The following RBFOX1 variants were observed in gnomAD, a reference collection of about 807,000 sequenced individuals.
RBFOX1 encodes RNA binding fox-1 homolog 1.
A neutral mutation model predicts 57.7 loss-of-function variants in RBFOX1; 8 were observed. The observed-to-expected ratio is 0.14, with a 90% CI of 0.08 to 0.25. RBFOX1 has a LOEUF of 0.25. Ranked by LOEUF, RBFOX1 falls within the 10% of genes least tolerant of loss-of-function variation. RBFOX1 has a pLI of 1.00. For missense variants in RBFOX1, 611 were observed against 548.5 expected (o/e 1.11, Z -1.14); for synonymous variants, 326 against 222.4 (o/e 1.47, Z -4.15).
At chr16:7,537,745 G>A (rs899764944) in intron 5 of RBFOX1, among the ~76,000 whole-genome samples, 11 of 152,134 alleles carry the variant, frequency 7.2e-5, no homozygotes, top group Non-Finnish European at 1.3e-4. Context: ...TGGAATTAAC[G>A]CAGGAGCCAG....
At chr16:7,521,121 A>C (rs2152253313) in intron 5 of RBFOX1, among the ~76,000 whole-genome samples, 1 of 152,280 alleles carries the variant, frequency 6.6e-6, no homozygotes, top group South Asian at 2.1e-4. Flanking sequence ...GCATTTCTTC[A>C]AGGAGATGAT....
chr16:6,236,054 C>A (rs2097503233), intron 1 of RBFOX1, among the ~76,000 whole-genome samples: 1 of 152,110 alleles, frequency 6.6e-6, no homozygotes, highest in Non-Finnish European at 1.5e-5. Context: ...CTGACAAAAT[C>A]TATAGGAAAT....
chr16:6,350,064 A>G (rs945062162), intron 2 of RBFOX1, among the ~76,000 whole-genome samples: 3 of 152,170 alleles, frequency 2.0e-5, no homozygotes, highest in Admixed American at 2.0e-4. Flanking sequence ...TAAAATTTCA[A>G]AAAGTCCTAG....
intron 4 of RBFOX1, among the ~76,000 whole-genome samples, chr16:7,512,221 T>G (rs2075285827): frequency 6.6e-6 from 1 of 152,200 alleles, no homozygotes; most frequent in African/African-American, 2.4e-5. Context: ...CTACATGAAG[T>G]TGGCTTCAGC....
chr16:7,408,079 G>C (rs1201868479), intron 4 of RBFOX1, among the ~76,000 whole-genome samples: 2 of 152,186 alleles, frequency 1.3e-5, no homozygotes, highest in African/African-American at 2.4e-5. Context: ...AGCTCCCTTA[G>C]GGAGGACAGA....
intron 4 of RBFOX1, among the ~76,000 whole-genome samples, chr16:7,395,599 C>T (rs1313492399): frequency 6.6e-6 from 1 of 152,122 alleles, no homozygotes; most frequent in Non-Finnish European, 1.5e-5. Flanking sequence ...AGCTTATTAC[C>T]TTTGTTGTGG....
At chr16:6,433,849 T>TTC (rs1555470920) in intron 2 of RBFOX1, among the ~76,000 whole-genome samples, 3 of 75,234 alleles carry the variant, frequency 4.0e-5, no homozygotes, top group South Asian at 3.6e-4. Context: ...CATTTTTCTT[T>TTC]TTTTTTTTTT....
At chr16:7,288,195 G>C (rs947843524) in intron 4 of RBFOX1, among the ~76,000 whole-genome samples, 3 of 152,122 alleles carry the variant, frequency 2.0e-5, no homozygotes, top group African/African-American at 7.2e-5. Context: ...CTCAACCATA[G>C]TTTGTGATCC....
chr16:6,973,860 C>T (rs779778004), intron 3 of RBFOX1, among the ~76,000 whole-genome samples: 1 of 152,058 alleles, frequency 6.6e-6, no homozygotes, highest in Admixed American at 6.6e-5. Context: ...TGGTGGTTTA[C>T]TGTGCCTGTC....
chr16:6,846,618 A>G lies in RBFOX1; in HGVS notation c.-16+191968A>G, dbSNP rs74952415. On this transcript the variant is annotated intron_variant, in intron 3 of 15. Coordinates refer to ENST00000550418, the MANE Select transcript of RBFOX1 (RefSeq NM_018723.4). ...GAAACGCACGAAGACCTTTGCCCCTATGAATCATGTATTGGGAAAACAGTT... is the reference window on the plus strand; with the variant it reads ...GAAACGCACGAAGACCTTTGCCCCTGTGAATCATGTATTGGGAAAACAGTT... 8.7e-3 allele frequency among the ~76,000 whole-genome samples: 1,327 copies of G among 152,316 alleles called. 17 individuals carry two copies. The highest frequency in any genetic ancestry group is 0.029 in the African/African-American group (1,222 of 41,586).
intron 4 of RBFOX1, among the ~76,000 whole-genome samples, chr16:7,142,064 C>T (rs1397244946): frequency 6.6e-6 from 1 of 151,984 alleles, no homozygotes; most frequent in African/African-American, 2.4e-5. Flanking sequence ...CACTCTGTTG[C>T]CCAGGCTGGA....
In RBFOX1 at chr16:6,637,120, A is replaced by ATATACAATATAT. The variant is rs1488183447; in HGVS notation, c.-63-17483_-63-17482insTATACAATATAT. 1.4e-3 allele frequency among the ~76,000 whole-genome samples: 112 copies of ATATACAATATAT among 82,898 alleles called. 7 individuals are homozygous for ATATACAATATAT. The highest frequency in any genetic ancestry group is 1.8e-3 in the Non-Finnish European group (87 of 48,306). The allele number at this position is 82,898 out of a possible 152,430, so 54.4% of individuals were successfully genotyped here. ...AAATATATATATTATATAATATATAAATTTATATTATATATTAAATATATA... is the reference window on the plus strand; with the variant it reads ...AAATATATATATTATATAATATATAATATACAATATATATTTATATTATATATTAAATATATA... On this transcript the variant is annotated intron_variant, in intron 2 of 15. Transcript: ENST00000550418.
chr16:5,882,943 A>G (rs1018478116), intron 4 of RBFOX1, among the ~76,000 whole-genome samples: 1 of 152,196 alleles, frequency 6.6e-6, no homozygotes, highest in Non-Finnish European at 1.5e-5. Flanking sequence ...AATGCAGTCT[A>G]TTCTTTTTTA....
At chr16:6,660,979 A>G (rs2098697825) in intron 3 of RBFOX1, among the ~76,000 whole-genome samples, 1 of 152,182 alleles carries the variant, frequency 6.6e-6, no homozygotes, top group Non-Finnish European at 1.5e-5. Context: ...CAGGTAGGAA[A>G]TAATGAATTA....
At chr16:6,964,416 C>A (rs1013996359) in intron 3 of RBFOX1, among the ~76,000 whole-genome samples, 2 of 152,146 alleles carry the variant, frequency 1.3e-5, no homozygotes, top group African/African-American at 4.8e-5. Flanking sequence ...CAATATACAA[C>A]ATCAACTGTG....
At chr16:6,810,960 G>T (rs1399633839) in intron 3 of RBFOX1, among the ~76,000 whole-genome samples, 2 of 152,140 alleles carry the variant, frequency 1.3e-5, no homozygotes, top group African/African-American at 2.4e-5. Context: ...ACACGTAACA[G>T]ATATTTCACT....
chr16:6,938,464 T>G (rs1309372241), intron 3 of RBFOX1, among the ~76,000 whole-genome samples: 1 of 152,204 alleles, frequency 6.6e-6, no homozygotes, highest in Non-Finnish European at 1.5e-5. Context: ...GCCATCACTT[T>G]TCTTGTCTGA....
At chr16:6,981,677 C>G (rs540476572) in intron 3 of RBFOX1, among the ~76,000 whole-genome samples, 18 of 152,252 alleles carry the variant, frequency 1.2e-4, no homozygotes, top group Non-Finnish European at 2.2e-4. Flanking sequence ...GAGGAACTCC[C>G]TTTTATAAAA....
chr16:7,263,865 A>C (rs9928212), intron 4 of RBFOX1, among the ~76,000 whole-genome samples: 28 of 151,074 alleles, frequency 1.9e-4, no homozygotes, highest in African/African-American at 5.6e-4. Flanking sequence ...GCACCATTGC[A>C]CTCCAGCCTG....
Sources: gnomAD v4.1 joint callset for allele counts (sites outside exome capture counted in the v4.1 genomes callset) on GRCh38, gnomAD v4.1.1 for gene constraint, MANE v1.5 for transcripts, NCBI Gene and HGNC (gene_info 2026-07-23, HGNC 2026-07-21) for gene names.